The following OR51E1 variants were observed in gnomAD, a reference collection of about 807,000 sequenced individuals.
The protein encoded by OR51E1 is olfactory receptor 51E1.
Under a neutral mutation model 11.5 loss-of-function variants are expected in OR51E1, and 9 were observed. That is an observed-to-expected ratio of 0.78 (90% confidence interval 0.47 to 1.37). The LOEUF is 1.37. Ranked by LOEUF, OR51E1 falls within the 40% of genes most tolerant of loss-of-function variation. The probability of loss-of-function intolerance (pLI) is 0.00; values close to 1 mark genes in which losing one functional copy is unlikely to be tolerated. For missense variants in OR51E1, 397 were observed against 410.2 expected (o/e 0.97, Z 0.28); for synonymous variants, 168 against 158.3 (o/e 1.06, Z -0.46).
chr11:4,655,404 C>G lies in OR51E1; in HGVS notation c.*1921C>G, dbSNP rs1299752691. 6.0e-6 allele frequency: 1 copy of G among 167,036 alleles called. No homozygotes were observed. The highest frequency in any genetic ancestry group is 2.4e-5 in the African/African-American group (1 of 41,458). The allele number at this position is 167,036 out of a possible 1,614,324, so 10.3% of individuals were successfully genotyped here. On this transcript the variant is annotated 3_prime_UTR_variant, in exon 2 of 2. Coordinates refer to ENST00000396952, the MANE Select transcript of OR51E1 (RefSeq NM_152430.4). ...GAAAAAACTGTGCAGAGCCAAACCT[C>G]TGTCATTTGCAACTCCCACTTGTAT... is the stretch of plus-strand genomic sequence containing the variant.
In OR51E1 at chr11:4,652,901, C is replaced by G. The variant is rs1847117692; in HGVS notation, c.375C>G (p.Arg125=). The G allele has an allele frequency of 6.2e-7, 1 of 1,612,196 alleles. No homozygotes were observed. The highest frequency in any genetic ancestry group is 8.5e-7 in the Non-Finnish European group (1 of 1,178,916). ...STVLLAMAFD[R]YVAICHPLRH... Reference sequence around the variant, plus strand: ...TGCTGCTGGCCATGGCTTTTGACCGCTATGTGGCCATCTGTCACCCACTGC... The same window carrying G: ...TGCTGCTGGCCATGGCTTTTGACCGGTATGTGGCCATCTGTCACCCACTGC... The change falls in exon 2 of 2, where the codon CGC becomes CGG. Residue 125 remains arginine (R), a synonymous_variant. Transcript: ENST00000396952.
chr11:4,645,424 T>G (rs1847016722), intron 1 of OR51E1, among the ~76,000 whole-genome samples: 1 of 152,198 alleles, frequency 6.6e-6, no homozygotes, highest in African/African-American at 2.4e-5. Flanking sequence ...TATTGTTGTC[T>G]TTGCTTCTGA....
In OR51E1 at chr11:4,653,583, A is replaced by T. The variant is rs1395831584; in HGVS notation, c.*100A>T. The T allele has an allele frequency of 2.9e-6, 2 of 682,594 alleles. No individual in the cohort carries two copies. The highest frequency in any genetic ancestry group is 5.0e-6 in the Non-Finnish European group (2 of 397,646). 42.3% of individuals were successfully genotyped at this position (682,594 alleles called of 1,614,324 possible). Reference sequence around the variant, plus strand: ...TATTCAGAAAAAAAATTTCCTTAATAAAAATACAACTCAGATCCTTCAAAT... The same window carrying T: ...TATTCAGAAAAAAAATTTCCTTAATTAAAATACAACTCAGATCCTTCAAAT... On this transcript the variant is annotated 3_prime_UTR_variant, in exon 2 of 2. Coordinates refer to ENST00000396952, the MANE Select transcript of OR51E1 (RefSeq NM_152430.4).
rs1457527699 is a variant in OR51E1 at position 4,652,589 on chromosome 11, T to C, written c.63T>C (p.Pro21=). Residue 21 remains proline, a synonymous_variant, in exon 2 of 2, where the codon CCT becomes CCC. Transcript: ENST00000396952. ...CATACTTCATCCTAATAGGCCTCCC[T>C]GGTTTAGAAGAGGCTCAGTTCTGGT... ...SATYFILIGL[P]GLEEAQFWLA... The C allele has an allele frequency of 1.2e-6, 2 of 1,614,182 alleles. No individual in the cohort carries two copies. The highest frequency in any genetic ancestry group is 1.1e-5 in the South Asian group (1 of 91,082).
In OR51E1 at chr11:4,652,652, G is replaced by T. The variant is rs944021878; in HGVS notation, c.126G>T (p.Val42=). Residue 42 remains valine, a synonymous_variant, in exon 2 of 2, where the codon GTG becomes GTT. Transcript: ENST00000396952. Reference sequence around the variant, plus strand: ...TGTGCTCCCTCTACCTTATTGCTGTGCTAGGTAACTTGACAATCATCTACA... The same window carrying T: ...TGTGCTCCCTCTACCTTATTGCTGTTCTAGGTAACTTGACAATCATCTACA... ...FPLCSLYLIA[V]LGNLTIIYIV... The T allele has an allele frequency of 6.2e-7, 1 of 1,614,092 alleles. No individual in the cohort carries two copies.
At position 4,653,642 on chromosome 11, in the gene OR51E1, T is replaced by C; in HGVS notation, c.*159T>C. 1.8e-6 allele frequency: 1 copy of C among 562,602 alleles called. No individual in the cohort carries two copies. Among genetic ancestry groups the C allele is most frequent in the Non-Finnish European group, 3.2e-6 (1 of 312,268 alleles). 34.9% of individuals were successfully genotyped at this position (562,602 alleles called of 1,614,324 possible). A position where few individuals can be genotyped will look rare whatever the true frequency, so the allele number is the denominator to read the frequency against. On this transcript the variant is annotated 3_prime_UTR_variant, in exon 2 of 2. Coordinates refer to ENST00000396952, the MANE Select transcript of OR51E1 (RefSeq NM_152430.4). ...GGTTGGGGAATCTCCATTTTTTCAA[T>C]ATTATTTTCTTCTTTGTTTTCTTGC...
At position 4,652,862 on chromosome 11, in the gene OR51E1, C is replaced by T. The variant is rs1432452710; in HGVS notation, c.336C>T (p.Gly112=). ...TGTTTGCCATCCACTCCTTATCTGG[C>T]ATGGAATCCACAGTGCTGCTGGCCA... is the stretch of plus-strand genomic sequence containing the variant. The part of the protein sequence containing the change: ...LQMFAIHSLS[G]MESTVLLAMA... Residue 112 remains glycine (G), a synonymous_variant, in exon 2 of 2, where the codon GGC becomes GGT. Coordinates refer to ENST00000396952, the MANE Select transcript of OR51E1 (RefSeq NM_152430.4). 6.2e-7 allele frequency: 1 copy of T among 1,614,020 alleles called. No individual in the cohort carries two copies. Among genetic ancestry groups the T allele is most frequent in the South Asian group, 1.1e-5 (1 of 91,062 alleles).
At chr11:4,644,376 G>T (rs367947661) in intron 1 of OR51E1, among the ~76,000 whole-genome samples, 1 of 152,232 alleles carries the variant, frequency 6.6e-6, no homozygotes, top group East Asian at 1.9e-4. Flanking sequence ...CTGCATTGGG[G>T]TTGGGTCGGG....
At chr11:4,646,032 A>C (rs560127845) in intron 1 of OR51E1, among the ~76,000 whole-genome samples, 1 of 152,296 alleles carries the variant, frequency 6.6e-6, no homozygotes, top group African/African-American at 2.4e-5. Context: ...ACTCTATTTA[A>C]GAATCAAGTG....
intron 1 of OR51E1, among the ~76,000 whole-genome samples, chr11:4,645,069 C>A (rs1177966982): frequency 6.6e-6 from 1 of 152,124 alleles, no homozygotes; most frequent in South Asian, 2.1e-4. Flanking sequence ...CTTTTTCTGA[C>A]CCCTGTCTCC....
chr11:4,653,148 T>G lies in OR51E1; in HGVS notation c.622T>G (p.Ser208Ala), dbSNP rs769797161. The change falls in exon 2 of 2, where the codon TCC (serine) becomes GCC (alanine). Residue 208 changes from serine (S) to alanine (A), a missense_variant. Ser to Ala is a moderately conservative substitution (Grantham distance 99, BLOSUM62 1). Coordinates refer to ENST00000396952, the MANE Select transcript of OR51E1 (RefSeq NM_152430.4). Reference protein sequence around the residue: ...NVVYGLIVIISAIGLDSLLIS... With the variant: ...NVVYGLIVIIAAIGLDSLLIS... ...CGTCTATGGCCTTATCGTCATCATCTCCGCCATTGGCCTGGACTCACTTCT... is the reference window on the plus strand; with the variant it reads ...CGTCTATGGCCTTATCGTCATCATCGCCGCCATTGGCCTGGACTCACTTCT... The G allele has an allele frequency of 1.2e-6, 2 of 1,613,890 alleles. No homozygotes were observed. The highest frequency in any genetic ancestry group is 1.7e-6 in the Non-Finnish European group (2 of 1,179,764).
chr11:4,647,188 C>A (rs556472255), intron 1 of OR51E1, among the ~76,000 whole-genome samples: 1 of 152,316 alleles, frequency 6.6e-6, no homozygotes, highest in South Asian at 2.1e-4. Flanking sequence ...TGTATAGTTT[C>A]TGTCATTTTG....
Position 4,653,347 on chromosome 11 carries a change from T to C in OR51E1, c.821T>C (p.Leu274Pro), listed in dbSNP as rs766614660. 2 of 1,614,064 alleles carry C rather than the reference T, an allele frequency of 1.2e-6. No homozygotes were observed. The highest frequency in any genetic ancestry group is 2.2e-5 in the South Asian group (2 of 91,082). ...TTTAGCAAGCGGCGTGACTCTCCGC[T>C]GCCCGTCATCTTGGCCAATATCTAT... ...HRFSKRRDSPLPVILANIYLL... is the reference protein window; with the variant it reads ...HRFSKRRDSPPPVILANIYLL... Residue 274 changes from leucine (L) to proline (P), a missense_variant, in exon 2 of 2, where the codon CTG becomes CCG. Physicochemically the swap from Leu to Pro is moderately conservative, Grantham distance 98 (BLOSUM62 -3). Coordinates refer to ENST00000396952, the MANE Select transcript of OR51E1 (RefSeq NM_152430.4).
Position 4,653,069 on chromosome 11 carries a change from C to T in OR51E1, c.543C>T (p.Tyr181=). 3 of 1,614,074 alleles carry T rather than the reference C, an allele frequency of 1.9e-6. No homozygotes were observed. Among genetic ancestry groups the T allele is most frequent in the East Asian group, 2.2e-5 (1 of 44,888 alleles). ...GCTCCAATATCCTTTCCCATTCCTA[C>T]TGCCTACACCAAGATGTCATGAAGC... is the stretch of plus-strand genomic sequence containing the variant. ...FCRSNILSHS[Y]CLHQDVMKLA... Residue 181 remains tyrosine (Y), a synonymous_variant, in exon 2 of 2, where the codon TAC becomes TAT. Coordinates refer to ENST00000396952, the MANE Select transcript of OR51E1 (RefSeq NM_152430.4).
In OR51E1 at chr11:4,653,500, T is replaced by C. The variant is rs1216710570; in HGVS notation, c.*17T>C. 6.3e-6 allele frequency: 9 copies of C among 1,438,668 alleles called. No homozygotes were observed. In the South Asian group the frequency reaches 8.5e-5, roughly 14 times the overall value. 89.1% of individuals were successfully genotyped at this position (1,438,668 alleles called of 1,614,324 possible). A position where few individuals can be genotyped will look rare whatever the true frequency, so the allele number is the denominator to read the frequency against. ...GAGCCCTAGGTGTCAGTGATCAAACTTCTTTTCCATTCAGAGTCCTCTGAT... is the reference window on the plus strand; with the variant it reads ...GAGCCCTAGGTGTCAGTGATCAAACCTCTTTTCCATTCAGAGTCCTCTGAT... On this transcript the variant is annotated 3_prime_UTR_variant, in exon 2 of 2. Coordinates refer to ENST00000396952, the MANE Select transcript of OR51E1 (RefSeq NM_152430.4).
chr11:4,644,523 G>A (rs575291240), intron 1 of OR51E1, among the ~76,000 whole-genome samples: 1 of 152,154 alleles, frequency 6.6e-6, no homozygotes, highest in South Asian at 2.1e-4. Context: ...GGCTGTGGCT[G>A]AGACTGGGAC....
At position 4,653,863 on chromosome 11, in the gene OR51E1, A is replaced by G. The variant is rs1315199291; in HGVS notation, c.*380A>G. 5.7e-6 allele frequency: 1 copy of G among 174,786 alleles called. No homozygotes were observed. The highest frequency in any genetic ancestry group is 1.8e-4 in the East Asian group (1 of 5,524). 10.8% of individuals were successfully genotyped at this position (174,786 alleles called of 1,614,324 possible). A position where few individuals can be genotyped will look rare whatever the true frequency, so the allele number is the denominator to read the frequency against. On this transcript the variant is annotated 3_prime_UTR_variant, in exon 2 of 2. Transcript: ENST00000396952. ...TAAACACAGAATATAATAAAATGAG[A>G]TAATCTAGCTTAAAACTATAACTTC...
rs1231488173 is a variant in OR51E1 at position 4,655,045 on chromosome 11, T to C, written c.*1562T>C. ...CATGAGGGCACTGTTTATTATTGAA[T>C]GTCATCTCTGTTCATCATTGACTGC... On this transcript the variant is annotated 3_prime_UTR_variant, in exon 2 of 2. Transcript: ENST00000396952. The C allele has an allele frequency of 1.8e-5, 3 of 167,080 alleles. No homozygotes were observed. The highest frequency in any genetic ancestry group is 2.1e-4 in the South Asian group (1 of 4,832). 10.3% of individuals were successfully genotyped at this position (167,080 alleles called of 1,614,324 possible). A position where few individuals can be genotyped will look rare whatever the true frequency, so the allele number is the denominator to read the frequency against.
Position 4,653,579 on chromosome 11 carries a change from T to A in OR51E1, c.*96T>A. The A allele has an allele frequency of 1.4e-6, 1 of 706,126 alleles. No homozygotes were observed. The highest frequency in any genetic ancestry group is 2.4e-6 in the Non-Finnish European group (1 of 417,932). The allele number at this position is 706,126 out of a possible 1,614,324, so 43.7% of individuals were successfully genotyped here. A position where few individuals can be genotyped will look rare whatever the true frequency, so the allele number is the denominator to read the frequency against. On this transcript the variant is annotated 3_prime_UTR_variant, in exon 2 of 2. Transcript: ENST00000396952. ...ACAGTATTCAGAAAAAAAATTTCCT[T>A]AATAAAAATACAACTCAGATCCTTC...
Sources: gnomAD v4.1 joint callset for allele counts (sites outside exome capture counted in the v4.1 genomes callset) on GRCh38, gnomAD v4.1.1 for gene constraint, MANE v1.5 for transcripts, NCBI Gene and HGNC (gene_info 2026-07-23, HGNC 2026-07-21) for gene names.